The following SKAP2 variants were observed in gnomAD, a reference collection of about 807,000 sequenced individuals.
The protein encoded by SKAP2 is src kinase associated phosphoprotein 2, also known as src kinase-associated phosphoprotein 2.
Under a neutral mutation model 54.9 loss-of-function variants are expected in SKAP2, and 28 were observed. The ratio of observed to expected loss-of-function variants is 0.51; its 90% CI spans 0.38 to 0.70. The LOEUF is 0.70. SKAP2 is among the 30% of genes least tolerant of loss of function. The pLI is 0.00. For missense variants in SKAP2, 356 were observed against 424.1 expected (o/e 0.84, Z 1.41); for synonymous variants, 137 against 134.3 (o/e 1.02, Z -0.14).
intron 4 of SKAP2, among the ~76,000 whole-genome samples, chr7:26,789,849 A>T (rs1783638357): frequency 1.3e-5 from 2 of 152,164 alleles, no homozygotes; most frequent in Admixed American, 1.3e-4. Flanking sequence ...CATTCCTCCT[A>T]AGCGTTGTGC....
chr7:26,820,483 A>G lies in SKAP2; in HGVS notation c.307+23547T>C, dbSNP rs112309570. 4.9e-4 allele frequency among the ~76,000 whole-genome samples: 74 copies of G among 152,306 alleles called. 1 individual carries two copies. The highest frequency in any genetic ancestry group is 1.8e-3 in the African/African-American group (73 of 41,566). ...AAATCCATTGGCATATTTCTAACAAAATAATCCAGTTAATGCTTCTCAGGA... is the reference window on the plus strand; with the variant it reads ...AAATCCATTGGCATATTTCTAACAAGATAATCCAGTTAATGCTTCTCAGGA... On this transcript the variant is annotated intron_variant, in intron 4 of 12. Transcript: ENST00000345317.
intron 9 of SKAP2, among the ~76,000 whole-genome samples, chr7:26,718,539 T>A (rs1787510473): frequency 2.0e-5 from 3 of 151,990 alleles, no homozygotes; most frequent in African/African-American, 4.8e-5. Context: ...TAAGATGAAG[T>A]CTCGCTCTGT....
At chr7:26,678,150 AG>A (rs1442777208) in intron 11 of SKAP2, among the ~76,000 whole-genome samples, 5 of 152,134 alleles carry the variant, frequency 3.3e-5, no homozygotes, top group African/African-American at 1.2e-4. Flanking sequence ...TCTACTTCAC[AG>A]GGTTATTATA....
At chr7:26,728,706 A>T (rs1254720610) in intron 6 of SKAP2, among the ~76,000 whole-genome samples, 1 of 152,112 alleles carries the variant, frequency 6.6e-6, no homozygotes, top group Non-Finnish European at 1.5e-5. Context: ...TGATCTACTA[A>T]ATTGCAAAAG....
chr7:26,749,461 G>C (rs191811862), intron 4 of SKAP2, among the ~76,000 whole-genome samples: 2 of 152,010 alleles, frequency 1.3e-5, no homozygotes, highest in Admixed American at 1.3e-4. Flanking sequence ...ACAATAATAG[G>C]TCCTCGGCTG....
intron 4 of SKAP2, among the ~76,000 whole-genome samples, chr7:26,777,469 T>G (rs1476758923): frequency 1.3e-5 from 2 of 152,188 alleles, no homozygotes; most frequent in South Asian, 4.1e-4. Context: ...TTCTCAGATG[T>G]GTAGGATCCT....
chr7:26,824,203 G>A (rs1339884091), intron 4 of SKAP2, among the ~76,000 whole-genome samples: 2 of 152,134 alleles, frequency 1.3e-5, no homozygotes, highest in African/African-American at 2.4e-5. Flanking sequence ...CCCTCGACCA[G>A]CAAAAAGGTT....
chr7:26,833,615 G>T (rs985123149), intron 4 of SKAP2, among the ~76,000 whole-genome samples: 2 of 152,034 alleles, frequency 1.3e-5, no homozygotes, highest in African/African-American at 2.4e-5. Flanking sequence ...AAGATCAAAA[G>T]AGACAAAGAA....
chr7:26,779,305 C>T (rs905120556), intron 4 of SKAP2, among the ~76,000 whole-genome samples: 2 of 151,944 alleles, frequency 1.3e-5, no homozygotes, highest in Non-Finnish European at 2.9e-5. Context: ...TCTACTTTTA[C>T]TTACAGACAG....
intron 4 of SKAP2, among the ~76,000 whole-genome samples, chr7:26,749,599 T>C (rs1022229934): frequency 6.6e-6 from 1 of 151,782 alleles, no homozygotes; most frequent in Non-Finnish European, 1.5e-5. Context: ...AATGTATTAA[T>C]TACCCAGGCA....
intron 9 of SKAP2, among the ~76,000 whole-genome samples, chr7:26,698,040 T>C (rs543729189): frequency 6.6e-6 from 1 of 152,328 alleles, no homozygotes; most frequent in East Asian, 1.9e-4. Context: ...GCTGATGTTA[T>C]GATTATTTGA....
At chr7:26,693,220 T>C (rs1425776082) in intron 9 of SKAP2, among the ~76,000 whole-genome samples, 2 of 151,254 alleles carry the variant, frequency 1.3e-5, no homozygotes, top group Non-Finnish European at 2.9e-5. Context: ...TAATCTCAGC[T>C]ACTCAGGAGA....
chr7:26,694,563 T>C, intron 9 of SKAP2, among the ~76,000 whole-genome samples: 1 of 150,898 alleles, frequency 6.6e-6, no homozygotes, highest in Admixed American at 6.6e-5. Flanking sequence ...AACTGATCAG[T>C]GAGAACAGCA....
intron 4 of SKAP2, among the ~76,000 whole-genome samples, chr7:26,773,742 C>A (rs774380760): frequency 2.0e-5 from 3 of 152,164 alleles, no homozygotes; most frequent in Non-Finnish European, 4.4e-5. Flanking sequence ...AAAGACAATA[C>A]AGGTTTTGCA....
intron 4 of SKAP2, among the ~76,000 whole-genome samples, chr7:26,813,899 A>T (rs928989668): frequency 6.6e-6 from 1 of 152,226 alleles, no homozygotes; most frequent in African/African-American, 2.4e-5. Context: ...TTCGAAAGAA[A>T]AATGTTCTAC....
intron 11 of SKAP2, among the ~76,000 whole-genome samples, chr7:26,678,037 T>C (rs1178201999): frequency 6.6e-6 from 1 of 152,242 alleles, no homozygotes; most frequent in African/African-American, 2.4e-5. Context: ...GTCAGACCTG[T>C]ATTGATACCT....
At chr7:26,774,935 C>T (rs1025316720) in intron 4 of SKAP2, among the ~76,000 whole-genome samples, 6 of 152,160 alleles carry the variant, frequency 3.9e-5, no homozygotes, top group African/African-American at 9.7e-5. Flanking sequence ...GGTATCACAT[C>T]ACACATGTTG....
intron 4 of SKAP2, among the ~76,000 whole-genome samples, chr7:26,796,456 G>A (rs1212629194): frequency 1.3e-5 from 2 of 152,204 alleles, no homozygotes; most frequent in African/African-American, 4.8e-5. Flanking sequence ...GTGCAATACT[G>A]AAAACCTTGA....
At chr7:26,777,713 G>T (rs759891234) in intron 4 of SKAP2, among the ~76,000 whole-genome samples, 8 of 152,042 alleles carry the variant, frequency 5.3e-5, no homozygotes, top group Admixed American at 1.3e-4. Context: ...AATAATGATG[G>T]TAACAATATA....
Sources: allele counts gnomAD v4.1 joint callset (sites outside exome capture counted in the v4.1 genomes callset), GRCh38; gene constraint gnomAD v4.1.1; transcripts MANE v1.5; gene names NCBI Gene and HGNC (gene_info 2026-07-23, HGNC 2026-07-21).